Variants in ELMO1 observed in about 807,000 individuals in gnomAD.
The protein encoded by ELMO1 is engulfment and cell motility protein 1.
Under a neutral mutation model 98.9 loss-of-function variants are expected in ELMO1, and 26 were observed. The ratio of observed to expected loss-of-function variants is 0.26; its 90% CI spans 0.19 to 0.36. The LOEUF is 0.36. ELMO1 is among the 10% of genes least tolerant of loss of function. ELMO1 has a pLI of 1.00. For synonymous variants in ELMO1, 346 were observed against 346.0 expected (o/e 1.00, Z 0.00); for missense variants, 627 against 935.2 (o/e 0.67, Z 4.30).
intron 16 of ELMO1, among the ~76,000 whole-genome samples, chr7:36,975,771 C>A (rs571642329): frequency 1.1e-4 from 16 of 146,792 alleles, no homozygotes; most frequent in African/African-American, 3.8e-4. Flanking sequence ...TGCTTGAACC[C>A]AGGAGGCAGA....
intron 4 of ELMO1, among the ~76,000 whole-genome samples, chr7:37,314,290 T>C (rs1011562734): frequency 3.3e-5 from 5 of 152,202 alleles, no homozygotes; most frequent in African/African-American, 1.2e-4. Context: ...CCTTCCTCTA[T>C]CAGGGATCTT....
intron 15 of ELMO1, among the ~76,000 whole-genome samples, chr7:37,086,129 G>A (rs957473827): frequency 6.6e-6 from 1 of 152,194 alleles, no homozygotes; most frequent in African/African-American, 2.4e-5. Context: ...CTCACTCTGT[G>A]GCAGCAGAGT....
chr7:37,115,175 AC>A (rs1161702697), intron 14 of ELMO1, among the ~76,000 whole-genome samples: 1 of 152,230 alleles, frequency 6.6e-6, no homozygotes, highest in African/African-American at 2.4e-5. Context: ...ACATATTTAA[AC>A]AAGAAAATGA....
At chr7:36,977,431 T>C (rs1365278849) in intron 16 of ELMO1, among the ~76,000 whole-genome samples, 1 of 152,196 alleles carries the variant, frequency 6.6e-6, no homozygotes, top group Non-Finnish European at 1.5e-5. Context: ...ACACAGTGGA[T>C]AGGATTATTG....
At chr7:37,225,865 T>C (rs1413189062) in intron 8 of ELMO1, among the ~76,000 whole-genome samples, 2 of 152,212 alleles carry the variant, frequency 1.3e-5, no homozygotes, top group Non-Finnish European at 2.9e-5. Context: ...TACTGTCTGT[T>C]GACAGCTCAC....
At chr7:37,361,777 A>G (rs1394412643) in intron 1 of ELMO1, among the ~76,000 whole-genome samples, 3 of 151,968 alleles carry the variant, frequency 2.0e-5, no homozygotes, top group African/African-American at 7.2e-5. Flanking sequence ...TGGGCAACAC[A>G]GGGAAACCCT....
chr7:37,031,908 T>G (rs1480329469), intron 15 of ELMO1, among the ~76,000 whole-genome samples: 1 of 152,166 alleles, frequency 6.6e-6, no homozygotes, highest in Non-Finnish European at 1.5e-5. Context: ...AAACAAAACA[T>G]GACCACAGGA....
chr7:37,266,810 C>G (rs1203246131), intron 5 of ELMO1, among the ~76,000 whole-genome samples: 1 of 151,970 alleles, frequency 6.6e-6, no homozygotes, highest in Non-Finnish European at 1.5e-5. Flanking sequence ...GTCAAGAATT[C>G]GAGACCAGCC....
At chr7:37,107,279 G>A (rs927733477) in intron 14 of ELMO1, among the ~76,000 whole-genome samples, 1 of 152,138 alleles carries the variant, frequency 6.6e-6, no homozygotes, top group African/African-American at 2.4e-5. Flanking sequence ...TTTTCACAAG[G>A]AAGTATCACT....
rs542965761 is a variant in ELMO1 at position 37,066,526 on chromosome 7, G to A, written c.1300+30093C>T. Reference sequence around the variant, plus strand: ...AAGAAGGCACTGTGGCTACAGGCCAGTAGGCCTCTGTGCCTCAAAGAGCCT... The same window carrying A: ...AAGAAGGCACTGTGGCTACAGGCCAATAGGCCTCTGTGCCTCAAAGAGCCT... On this transcript the variant is annotated intron_variant, in intron 15 of 21. Transcript: ENST00000310758. Among the ~76,000 whole-genome samples the A allele has an allele frequency of 4.6e-5, 7 of 152,216 alleles. No homozygotes were observed. In the South Asian group the frequency reaches 6.2e-4, roughly 14 times the overall value.
chr7:37,041,547 T>TGAGGAAGTGGGGAGC (rs1795508786), intron 15 of ELMO1, among the ~76,000 whole-genome samples: 1 of 151,736 alleles, frequency 6.6e-6, no homozygotes, highest in South Asian at 2.1e-4. Flanking sequence ...ACAGACAGAG[T>TGAGGAAGTGGGGAGC]GAGGAAGTGG....
At chr7:37,001,869 G>A (rs571068462) in intron 16 of ELMO1, among the ~76,000 whole-genome samples, 2 of 152,186 alleles carry the variant, frequency 1.3e-5, no homozygotes, top group Non-Finnish European at 2.9e-5. Flanking sequence ...AAAATTTAAT[G>A]AGTCAGGCAA....
chr7:37,201,148 T>C (rs771855281), intron 13 of ELMO1, among the ~76,000 whole-genome samples: 2 of 152,012 alleles, frequency 1.3e-5, no homozygotes, highest in African/African-American at 4.8e-5. Context: ...TTCTAAAAGA[T>C]TCTATTTACC....
At position 37,133,248 on chromosome 7, in the gene ELMO1, A is replaced by C; in HGVS notation, c.1087-14T>G. 4 of 1,596,722 alleles carry C rather than the reference A, an allele frequency of 2.5e-6. No homozygotes were observed. Among genetic ancestry groups the C allele is most frequent in the Non-Finnish European group, 3.4e-6 (4 of 1,168,616 alleles). On this transcript the variant is annotated splice_polypyrimidine_tract_variant and intron_variant, in intron 13 of 21. Coordinates refer to ENST00000310758, the MANE Select transcript of ELMO1 (RefSeq NM_014800.11). Reference sequence around the variant, plus strand: ...GTTGACATGATTCTGTGAGTAAAACAAAATCATGATAAGGTGAATTCTTCA... The same window carrying C: ...GTTGACATGATTCTGTGAGTAAAACCAAATCATGATAAGGTGAATTCTTCA...
chr7:37,374,785 G>A (rs1227451547), intron 1 of ELMO1, among the ~76,000 whole-genome samples: 1 of 151,616 alleles, frequency 6.6e-6, no homozygotes, highest in African/African-American at 2.4e-5. Context: ...TATCTTGGCT[G>A]GGCGCAGTGG....
At chr7:36,948,981 G>A (rs557867877) in intron 16 of ELMO1, among the ~76,000 whole-genome samples, 1 of 152,074 alleles carries the variant, frequency 6.6e-6, no homozygotes, top group Non-Finnish European at 1.5e-5. Context: ...TCAGCTTCCC[G>A]AGTAGCTGGG....
chr7:37,204,626 C>T (rs1792500717), intron 13 of ELMO1, among the ~76,000 whole-genome samples: 1 of 152,136 alleles, frequency 6.6e-6, no homozygotes, highest in Non-Finnish European at 1.5e-5. Flanking sequence ...TTTTTTTTCC[C>T]TTCTTTGGCC....
intron 1 of ELMO1, among the ~76,000 whole-genome samples, chr7:37,424,374 C>G (rs1390151724): frequency 6.6e-6 from 1 of 152,160 alleles, no homozygotes; most frequent in Non-Finnish European, 1.5e-5. Context: ...ATGAGTCCTT[C>G]TCAGTACTCA....
chr7:37,010,295 G>A (rs1167979771), intron 16 of ELMO1, among the ~76,000 whole-genome samples: 6 of 152,192 alleles, frequency 3.9e-5, no homozygotes, highest in African/African-American at 1.2e-4. Context: ...ACTGGAAATA[G>A]GCAGAATAAC....
Sources: allele counts gnomAD v4.1 joint callset (sites outside exome capture counted in the v4.1 genomes callset), GRCh38; gene constraint gnomAD v4.1.1; transcripts MANE v1.5; gene names NCBI Gene and HGNC (gene_info 2026-07-23, HGNC 2026-07-21).